The following CLCA1 variants were observed in gnomAD, a reference collection of about 807,000 sequenced individuals.
The protein encoded by CLCA1 is calcium-activated chloride channel regulator 1.
In CLCA1, 59 loss-of-function variants were observed where a neutral mutation model predicts 85.6. That is an observed-to-expected ratio of 0.69 (90% CI 0.56 to 0.86). The LOEUF (loss-of-function observed/expected upper bound fraction) is 0.86. Ranked by LOEUF, CLCA1 falls within the 40% of genes least tolerant of loss-of-function variation. The pLI is 0.00. For synonymous variants in CLCA1, 396 were observed against 398.3 expected, an observed-to-expected ratio of 0.99 and a Z score of 0.07; for missense variants, 1,022 against 1,101.4, an observed-to-expected ratio of 0.93 and a Z score of 1.02.
intron 9 of CLCA1, among the ~76,000 whole-genome samples, chr1:86,492,983 A>T (rs1484458810): frequency 6.6e-6 from 1 of 152,234 alleles, no homozygotes; most frequent in Non-Finnish European, 1.5e-5. Context: ...GGTAAATGAG[A>T]TGGACAGCAG....
intron 7 of CLCA1, among the ~76,000 whole-genome samples, chr1:86,488,232 C>T (rs1393021053): frequency 6.6e-6 from 1 of 151,812 alleles, no homozygotes; most frequent in Non-Finnish European, 1.5e-5. Flanking sequence ...TTCTGGGTCT[C>T]TCCTTCCACT....
chr1:86,473,364 T>G lies in CLCA1; in HGVS notation c.163-53T>G, dbSNP rs373295226. On this transcript the variant is annotated intron_variant, in intron 1 of 13. Coordinates refer to ENST00000394711, the MANE Select transcript of CLCA1 (RefSeq NM_001285.4). ...TCCAGATGTGAATTTGAATGACTGA[T>G]AATTTAATTTATTTTCAGTCAATTG... 985 of 1,308,376 alleles carry G rather than the reference T, an allele frequency of 7.5e-4. 15 individuals carry two copies. In the South Asian group the frequency reaches 0.016, roughly 21 times the overall value. 81.0% of individuals were successfully genotyped at this position (1,308,376 alleles called of 1,614,324 possible).
In CLCA1 at chr1:86,473,842, T is replaced by G. The variant is rs768787135; in HGVS notation, c.417T>G (p.Ile139Met). Residue 139 changes from isoleucine (I) to methionine (M), a missense_variant, in exon 3 of 14, where the codon ATT (isoleucine) becomes ATG (methionine). Ile to Met is a conservative substitution (Grantham distance 10). Coordinates refer to ENST00000394711, the MANE Select transcript of CLCA1 (RefSeq NM_001285.4). The stretch of plus-strand genomic sequence containing the variant: ...GGATCCACCTCACTCCTGATTTCAT[T>G]GCAGGAAAAAAGTTAGCTGAATATG... ...GERIHLTPDF[I>M]AGKKLAEYGP... is the part of the protein sequence containing the mutation. 1 of 1,610,128 alleles carries G rather than the reference T, an allele frequency of 6.2e-7. No individual in the cohort carries two copies. The highest frequency in any genetic ancestry group is 1.7e-5 in the Admixed American group (1 of 59,232).
intron 9 of CLCA1, among the ~76,000 whole-genome samples, chr1:86,491,992 A>T (rs1648145227): frequency 6.6e-6 from 1 of 152,004 alleles, no homozygotes; most frequent in African/African-American, 2.4e-5. Flanking sequence ...AAGAAAACCA[A>T]ATTGCCTTTT....
chr1:86,476,996 GC>G (rs1456485642), intron 4 of CLCA1, among the ~76,000 whole-genome samples: 1 of 152,308 alleles, frequency 6.6e-6, no homozygotes, highest in East Asian at 1.9e-4. Flanking sequence ...TCCAGCCTCA[GC>G]CTCCCGGGCT....
Position 86,482,279 on chromosome 1 carries a change from C to T in CLCA1, c.632C>T (p.Thr211Ile). The T allele has an allele frequency of 6.2e-7, 1 of 1,613,710 alleles. No homozygotes were observed. Among genetic ancestry groups the T allele is most frequent in the Middle Eastern group, 1.7e-4 (1 of 6,060 alleles). The change falls in exon 5 of 14, where the codon ACA becomes ATA. Residue 211 changes from threonine to isoleucine, a missense_variant. Physicochemically the swap from Thr to Ile is moderately conservative, Grantham distance 89 (BLOSUM62 -1). Coordinates refer to ENST00000394711, the MANE Select transcript of CLCA1 (RefSeq NM_001285.4). The part of the protein sequence containing the change: ...QGGSCYTKRC[T>I]FNKVTGLYEK... ...GGCAGCTGTTACACCAAAAGATGCACATTCAATAAAGTAACAGGACTCTAT... is the reference window on the plus strand; with the variant it reads ...GGCAGCTGTTACACCAAAAGATGCATATTCAATAAAGTAACAGGACTCTAT...
In CLCA1 at chr1:86,499,858, A is replaced by C. The variant is rs569060943; in HGVS notation, c.2558A>C (p.Lys853Thr). ...CAGGCTGTTGATAAGGTCGATCTGA[A>C]ATCAGAAATATCCAACATTGCACGA... The part of the protein sequence containing the change: ...AIQAVDKVDL[K>T]SEISNIARVS... The change falls in exon 14 of 14, where the codon AAA (lysine) becomes ACA (threonine). Residue 853 changes from lysine (K) to threonine (T), a missense_variant. Coordinates refer to ENST00000394711, the MANE Select transcript of CLCA1 (RefSeq NM_001285.4). The C allele has an allele frequency of 1.9e-5, 30 of 1,613,680 alleles. No homozygotes were observed. In the South Asian group the frequency reaches 3.0e-4, roughly 16 times the overall value.
In CLCA1 at chr1:86,500,052, AT is replaced by A; in HGVS notation, c.*12del. 1.3e-6 allele frequency: 2 copies of A among 1,550,732 alleles called. No individual in the cohort carries two copies. Among genetic ancestry groups the A allele is most frequent in the East Asian group, 2.3e-5 (1 of 44,244 alleles). ...GCAGCTGTCAATAGCCTAGGGCTGA[AT>A]TTTTGTCAGATAAATAAAATAAATC... On this transcript the variant is annotated 3_prime_UTR_variant, in exon 14 of 14. Coordinates refer to ENST00000394711, the MANE Select transcript of CLCA1 (RefSeq NM_001285.4).
At chr1:86,482,003 T>G in intron 4 of CLCA1, among the ~76,000 whole-genome samples, 1 of 152,308 alleles carries the variant, frequency 6.6e-6, no homozygotes, top group East Asian at 1.9e-4. Context: ...TCTGATACCA[T>G]TTTTGCAATC....
At chr1:86,495,775 G>C (rs553811696) in intron 12 of CLCA1, 100 bp downstream of exon 12, 11 of 1,148,676 alleles carry the variant, frequency 9.6e-6, no homozygotes, top group Middle Eastern at 2.0e-4. Context: ...ATTAAATCAG[G>C]GTTTCTCAAC....
chr1:86,479,810 G>A (rs887741571), intron 4 of CLCA1, among the ~76,000 whole-genome samples: 3 of 152,070 alleles, frequency 2.0e-5, no homozygotes, highest in Admixed American at 6.6e-5. Context: ...GCATGAACCC[G>A]GGAGGCGGAG....
Position 86,486,767 on chromosome 1 carries a change from T to G in CLCA1, c.1182+14T>G, listed in dbSNP as rs5744370. 0.019 allele frequency: 30,638 copies of G among 1,611,060 alleles called. 372 individuals are homozygous for G. Among genetic ancestry groups the G allele is most frequent in the Admixed American group, 0.037 (2,226 of 60,014 alleles). ...TCGGCATTTACTGTGAGATGTGTTTTTCTATTGTAGTTTGGAATGTTTGCA... is the reference window on the plus strand; with the variant it reads ...TCGGCATTTACTGTGAGATGTGTTTGTCTATTGTAGTTTGGAATGTTTGCA... On this transcript the variant is annotated intron_variant, in intron 7 of 13. Coordinates refer to ENST00000394711, the MANE Select transcript of CLCA1 (RefSeq NM_001285.4).
intron 4 of CLCA1, among the ~76,000 whole-genome samples, chr1:86,477,995 A>G (rs1202107930): frequency 2.0e-5 from 3 of 152,190 alleles, no homozygotes; most frequent in Non-Finnish European, 4.4e-5. Context: ...AGGGGCTCAG[A>G]ACACAGATTT....
chr1:86,493,441 G>A lies in CLCA1; in HGVS notation c.1522G>A (p.Val508Met), dbSNP rs773277903. The A allele has an allele frequency of 2.1e-5, 34 of 1,613,928 alleles. No homozygotes were observed. The highest frequency in any genetic ancestry group is 6.7e-5 in the East Asian group (3 of 44,882). Reference sequence around the variant, plus strand: ...CCAGTGGATGAATGGCACAGTGATCGTGGACAGCACCGTGGGAAAGGACAC... The same window carrying A: ...CCAGTGGATGAATGGCACAGTGATCATGGACAGCACCGTGGGAAAGGACAC... ...NSQWMNGTVIVDSTVGKDTLF... is the reference protein window; with the variant it reads ...NSQWMNGTVIMDSTVGKDTLF... The change falls in exon 10 of 14, where the codon GTG (valine) becomes ATG (methionine). Residue 508 changes from valine to methionine, a missense_variant. Transcript: ENST00000394711.
chr1:86,487,932 C>T (rs559294604), intron 7 of CLCA1, among the ~76,000 whole-genome samples: 65 of 152,352 alleles, frequency 4.3e-4, no homozygotes, highest in African/African-American at 1.5e-3. Context: ...GCCTCTCTGG[C>T]CTGCAGCTTA....
At chr1:86,493,303 T>C in intron 9 of CLCA1, 81 bp from the exon 10 acceptor site, 2 of 1,101,170 alleles carry the variant, frequency 1.8e-6, no homozygotes, top group Non-Finnish European at 2.7e-6. Context: ...AATGGCGCAC[T>C]GGGGAGACAG....
chr1:86,478,788 C>G (rs1037132056), intron 4 of CLCA1, among the ~76,000 whole-genome samples: 33 of 152,332 alleles, frequency 2.2e-4, no homozygotes, highest in African/African-American at 7.9e-4. Context: ...CTCTTTAAAA[C>G]TTTTAATTTC....
intron 4 of CLCA1, among the ~76,000 whole-genome samples, chr1:86,478,684 G>T (rs1187563783): frequency 6.6e-6 from 1 of 152,162 alleles, no homozygotes; most frequent in Non-Finnish European, 1.5e-5. Context: ...TGGCAGAAAG[G>T]GTGATTAGTA....
At chr1:86,478,232 C>A (rs1647725605) in intron 4 of CLCA1, among the ~76,000 whole-genome samples, 1 of 152,034 alleles carries the variant, frequency 6.6e-6, no homozygotes, top group Non-Finnish European at 1.5e-5. Context: ...TCAAGACCAG[C>A]CTGGCCAACA....
Sources: allele counts gnomAD v4.1 joint callset (sites outside exome capture counted in the v4.1 genomes callset), GRCh38; gene constraint gnomAD v4.1.1; transcripts MANE v1.5; gene names NCBI Gene and HGNC (gene_info 2026-07-23, HGNC 2026-07-21).